The following SMARCA5 variants were observed in gnomAD, a reference collection of about 807,000 sequenced individuals.
SMARCA5 encodes SWI/SNF-related matrix-associated actin-dependent regulator of chromatin subfamily A member 5.
A neutral mutation model predicts 140.4 loss-of-function variants in SMARCA5; 18 were observed. That is an observed-to-expected ratio of 0.13 (90% CI 0.09 to 0.19). SMARCA5 has a LOEUF of 0.19. SMARCA5 is among the 10% of genes least tolerant of loss of function. SMARCA5 has a pLI of 1.00. For missense variants in SMARCA5, 606 were observed against 1,276.8 expected (o/e 0.47, Z 8.01); for synonymous variants, 449 against 419.6 (o/e 1.07, Z -0.86).
chr4:143,541,880 G>A (rs940943227), intron 14 of SMARCA5, among the ~76,000 whole-genome samples: 4 of 149,622 alleles, frequency 2.7e-5, no homozygotes, highest in Non-Finnish European at 5.9e-5. Context: ...TTTTTGAGAT[G>A]GAGTTTTGTT....
intron 2 of SMARCA5, 66 bp downstream of exon 2, chr4:143,517,495 A>AGATAGATGTTTAGT: frequency 1.1e-6 from 1 of 932,546 alleles, no homozygotes; most frequent in Non-Finnish European, 1.6e-6. Flanking sequence ...AAATGTACTA[A>AGATAGATGTTTAGT]ACATCTATCT....
intron 23 of SMARCA5, among the ~76,000 whole-genome samples, chr4:143,552,376 C>T (rs1304426740): frequency 6.6e-6 from 1 of 151,690 alleles, no homozygotes; most frequent in Non-Finnish European, 1.5e-5. Context: ...TTTAGATGTC[C>T]TTTCTTTCTT....
intron 4 of SMARCA5, among the ~76,000 whole-genome samples, chr4:143,525,037 T>C (rs1284426062): frequency 6.9e-6 from 1 of 145,882 alleles, no homozygotes; most frequent in Admixed American, 6.9e-5. Context: ...CTTAGGAATT[T>C]CCTATTTCTT....
rs1736752978 is a variant in SMARCA5 at position 143,513,799 on chromosome 4, A to G, written c.-126A>G. 1.8e-6 allele frequency: 2 copies of G among 1,103,060 alleles called. No individual in the cohort carries two copies. Among genetic ancestry groups the G allele is most frequent in the Admixed American group, 2.5e-5 (1 of 40,622 alleles). 68.3% of individuals were successfully genotyped at this position (1,103,060 alleles called of 1,614,324 possible). On this transcript the variant is annotated 5_prime_UTR_variant, in exon 1 of 24. Transcript: ENST00000283131. ...CCGTCGCGGAGGCGCGGCGCAGGGG[A>G]GCGCTCGGGTGGGAGTCTCGCTCCT...
rs752966922 is a variant in SMARCA5 at position 143,549,988 on chromosome 4, A to G, written c.2986-9A>G. ...GAAAGTGCGTGTACCATGTTTGTTT[A>G]TAATTTAGGAGCTCCAGAGGAGATG... On this transcript the variant is annotated splice_polypyrimidine_tract_variant and intron_variant, in intron 22 of 23. Transcript: ENST00000283131. 6.7e-7 allele frequency: 1 copy of G among 1,492,248 alleles called. No individual in the cohort carries two copies. Among genetic ancestry groups the G allele is most frequent in the Non-Finnish European group, 9.3e-7 (1 of 1,075,460 alleles). 92.4% of individuals were successfully genotyped at this position (1,492,248 alleles called of 1,614,324 possible).
At chr4:143,544,129 C>A in intron 16 of SMARCA5, 157 bp downstream of exon 16, 1 of 446,282 alleles carries the variant, frequency 2.2e-6, no homozygotes, top group Non-Finnish European at 3.9e-6. Context: ...AAATTTAATG[C>A]CAGTTTTTCA....
In SMARCA5 at chr4:143,526,332, T is replaced by C; in HGVS notation, c.673T>C (p.Tyr225His). Reference protein sequence around the residue: ...TISLLGYMKHYRNIPGPHMVL... With the variant: ...TISLLGYMKHHRNIPGPHMVL... Reference sequence around the variant, plus strand: ...TTCTCTTCTTGGGTACATGAAACATTATAGAAACATTCCTGGGCCTCATAT... The same window carrying C: ...TTCTCTTCTTGGGTACATGAAACATCATAGAAACATTCCTGGGCCTCATAT... Residue 225 changes from tyrosine to histidine, a missense_variant, in exon 6 of 24, where the codon TAT (tyrosine) becomes CAT (histidine). This residue lies in a region of SMARCA5 where 110 missense variants were observed against 287.7 expected (regional missense o/e 0.38). Coordinates refer to ENST00000283131, the MANE Select transcript of SMARCA5 (RefSeq NM_003601.4). 6.2e-7 allele frequency: 1 copy of C among 1,614,028 alleles called. No homozygotes were observed. Among genetic ancestry groups the C allele is most frequent in the Non-Finnish European group, 8.5e-7 (1 of 1,179,918 alleles).
chr4:143,526,528 A>C, intron 6 of SMARCA5, 68 bp downstream of exon 6: 1 of 998,966 alleles, frequency 1.0e-6, no homozygotes, highest in Admixed American at 2.1e-5. Context: ...GGGTATGGGT[A>C]TAGCTGGAAG....
In SMARCA5 at chr4:143,521,602, A is replaced by G. The variant is rs1213494272; in HGVS notation, c.419+7A>G. 9 of 1,604,002 alleles carry G rather than the reference A, an allele frequency of 5.6e-6. No homozygotes were observed. Among genetic ancestry groups the G allele is most frequent in the Non-Finnish European group, 7.7e-6 (9 of 1,175,540 alleles). The stretch of plus-strand genomic sequence containing the variant: ...ACTTACTATCCGTTGGCGAGTGAGT[A>G]ATAGTTTAAACTTCATAGTTCAACC... On this transcript the variant is annotated splice_region_variant and intron_variant, in intron 3 of 23. Coordinates refer to ENST00000283131, the MANE Select transcript of SMARCA5 (RefSeq NM_003601.4).
intron 10 of SMARCA5, among the ~76,000 whole-genome samples, chr4:143,535,287 T>C (rs10033674): frequency 0.54 from 81,573 of 151,958 alleles, 22,228 homozygotes; most frequent in Middle Eastern, 0.65. Flanking sequence ...GGGAGATATA[T>C]GGTTCACTTA....
chr4:143,540,580 A>T, intron 14 of SMARCA5, 85 bp downstream of exon 14: 1 of 1,276,736 alleles, frequency 7.8e-7, no homozygotes, highest in South Asian at 1.4e-5. Flanking sequence ...GATTCTTGTT[A>T]CTAAGCATCC....
At chr4:143,547,684 T>A (rs959047139) in intron 21 of SMARCA5, among the ~76,000 whole-genome samples, 181 bp downstream of exon 21, 2 of 152,018 alleles carry the variant, frequency 1.3e-5, no homozygotes, top group African/African-American at 4.8e-5. Flanking sequence ...TAGATCTGAG[T>A]CAAAGACACT....
rs1737305785 is a variant in SMARCA5 at position 143,536,395 on chromosome 4, G to A, written c.1269-57G>A. 1.3e-5 allele frequency: 15 copies of A among 1,162,370 alleles called. No homozygotes were observed. In the East Asian group the frequency reaches 3.5e-4, roughly 27 times the overall value. 72.0% of individuals were successfully genotyped at this position (1,162,370 alleles called of 1,614,324 possible). On this transcript the variant is annotated intron_variant, in intron 10 of 23. Transcript: ENST00000283131. ...GGGAAGGGGATTAAGTATGTAAAGT[G>A]GCAGGGATTGATCAAGGAACATTTG...
In SMARCA5 at chr4:143,521,557, A is replaced by T. The variant is rs761846990; in HGVS notation, c.381A>T (p.Ile127=). Residue 127 remains isoleucine, a synonymous_variant, in exon 3 of 24, where the codon ATA becomes ATT. Transcript: ENST00000283131. ...AGATGAAACCAGGGCGCCCACGAATAAAAAAAGATGAGAAGCAGAACTTAC... is the reference window on the plus strand; with the variant it reads ...AGATGAAACCAGGGCGCCCACGAATTAAAAAAGATGAGAAGCAGAACTTAC... ...PLKMKPGRPR[I]KKDEKQNLLS... 6.2e-7 allele frequency: 1 copy of T among 1,612,306 alleles called. No homozygotes were observed. The highest frequency in any genetic ancestry group is 8.5e-7 in the Non-Finnish European group (1 of 1,179,044).
Position 143,545,539 on chromosome 4 carries a change from C to T in SMARCA5, c.2353C>T (p.Leu785=). The T allele has an allele frequency of 5.6e-6, 9 of 1,611,942 alleles. No individual in the cohort carries two copies. Among genetic ancestry groups the T allele is most frequent in the Non-Finnish European group, 7.6e-6 (9 of 1,178,358 alleles). ...QFFPPRLFEL[L]EKEILFYRKT... ...CTTTCCTCCACGTTTATTTGAATTA[C>T]TGGAAAAAGAAATTCTGTTTTACAG... Residue 785 remains leucine (L), a synonymous_variant, in exon 18 of 24, where the codon CTG becomes TTG. Coordinates refer to ENST00000283131, the MANE Select transcript of SMARCA5 (RefSeq NM_003601.4).
chr4:143,538,723 T>G lies in SMARCA5; in HGVS notation c.1617+12T>G. ...ATGATGAGAGACAAGTGAGTAAAAT[T>G]TGGGGAGGGAGATAAAAAAGAATCA... On this transcript the variant is annotated intron_variant, in intron 12 of 23. Transcript: ENST00000283131. 6.2e-7 allele frequency: 1 copy of G among 1,613,806 alleles called. No homozygotes were observed. The highest frequency in any genetic ancestry group is 8.5e-7 in the Non-Finnish European group (1 of 1,179,854).
chr4:143,524,651 G>A (rs532629040), intron 4 of SMARCA5, among the ~76,000 whole-genome samples, 184 bp downstream of exon 4: 8 of 152,278 alleles, frequency 5.3e-5, no homozygotes, highest in Admixed American at 3.9e-4. Flanking sequence ...TAGTAGTGCT[G>A]TATTTCAAAG....
intron 11 of SMARCA5, among the ~76,000 whole-genome samples, chr4:143,538,374 G>A (rs1447303807): frequency 6.6e-6 from 1 of 152,120 alleles, no homozygotes; most frequent in Non-Finnish European, 1.5e-5. Flanking sequence ...AGGCAAATAT[G>A]CTTTTCTGTA....
At chr4:143,523,385 ACATCT>A (rs1319674375) in intron 3 of SMARCA5, among the ~76,000 whole-genome samples, 1 of 152,176 alleles carries the variant, frequency 6.6e-6, no homozygotes, top group Non-Finnish European at 1.5e-5. Flanking sequence ...ACAATAAATG[ACATCT>A]CAGCTTTTAA....
Sources: allele counts gnomAD v4.1 joint callset (sites outside exome capture counted in the v4.1 genomes callset), GRCh38; gene constraint gnomAD v4.1.1; regional missense constraint gnomAD v4.1.1; transcripts MANE v1.5; gene names NCBI Gene and HGNC (gene_info 2026-07-23, HGNC 2026-07-21).